The following ABCC4 variants were observed in gnomAD, a reference collection of about 807,000 sequenced individuals.
ABCC4 encodes the protein ATP-binding cassette sub-family C member 4.
ABCC4 carries 102 observed loss-of-function variants against 168.5 expected under a neutral mutation model. The ratio of observed to expected loss-of-function variants is 0.61; its 90% confidence interval spans 0.52 to 0.71. The LOEUF (loss-of-function observed/expected upper bound fraction) is 0.71, where lower values mean the gene tolerates loss of function less well. ABCC4 is among the 30% of genes least tolerant of loss of function. ABCC4 has a pLI of 0.00. For synonymous variants in ABCC4, 617 were observed against 590.7 expected (o/e 1.04, Z -0.65); for missense variants, 1,402 against 1,605.8 (o/e 0.87, Z 2.17).
chr13:95,105,961 TA>T (rs1001565027), intron 20 of ABCC4, among the ~76,000 whole-genome samples: 1 of 152,168 alleles, frequency 6.6e-6, no homozygotes, highest in African/African-American at 2.4e-5. Context: ...GTGCACAGGG[TA>T]AGCCGGTTAC....
intron 11 of ABCC4, among the ~76,000 whole-genome samples, chr13:95,180,015 G>A (rs536507739): frequency 3.3e-5 from 5 of 152,146 alleles, no homozygotes; most frequent in Admixed American, 2.0e-4. Context: ...ACCAACAGCA[G>A]GACCCCATTC....
At chr13:95,141,862 A>T (rs925224497) in intron 19 of ABCC4, among the ~76,000 whole-genome samples, 11 of 152,206 alleles carry the variant, frequency 7.2e-5, no homozygotes, top group Admixed American at 7.2e-4. Flanking sequence ...CAGTCTCCTG[A>T]GTGGCTGGGA....
chr13:95,257,503 T>C (rs2040422081), intron 1 of ABCC4, among the ~76,000 whole-genome samples: 1 of 151,992 alleles, frequency 6.6e-6, no homozygotes, highest in African/African-American at 2.4e-5. Flanking sequence ...ACCCTGTCTC[T>C]ATAAAAATAC....
chr13:95,029,040 C>T (rs1325510340), intron 30 of ABCC4, among the ~76,000 whole-genome samples: 4 of 151,336 alleles, frequency 2.6e-5, no homozygotes, highest in Non-Finnish European at 4.4e-5. Flanking sequence ...TGGTGGTGGG[C>T]GCCTGTAATC....
At chr13:95,047,951 C>T (rs1463333517) in intron 27 of ABCC4, among the ~76,000 whole-genome samples, 1 of 152,128 alleles carries the variant, frequency 6.6e-6, no homozygotes, top group Admixed American at 6.5e-5. Context: ...CTCTTGATGA[C>T]TGCTATAGCT....
At chr13:95,118,421 T>C (rs986169614) in intron 19 of ABCC4, among the ~76,000 whole-genome samples, 25 of 152,092 alleles carry the variant, frequency 1.6e-4, no homozygotes, top group Non-Finnish European at 2.9e-4. Context: ...TTTCTGTATT[T>C]TTAGTAGAGA....
At chr13:95,253,611 G>A (rs1175139394) in intron 1 of ABCC4, among the ~76,000 whole-genome samples, 3 of 152,058 alleles carry the variant, frequency 2.0e-5, no homozygotes, top group Non-Finnish European at 4.4e-5. Context: ...CGGGCGTGGT[G>A]GAGGACACCC....
At chr13:95,234,007 G>A (rs752306164) in intron 4 of ABCC4, among the ~76,000 whole-genome samples, 9 of 152,118 alleles carry the variant, frequency 5.9e-5, no homozygotes, top group Admixed American at 1.3e-4. Flanking sequence ...GCCTGTATCC[G>A]ACGTGGATTC....
At chr13:95,241,709 T>G (rs1270396682) in intron 3 of ABCC4, among the ~76,000 whole-genome samples, 1 of 151,384 alleles carries the variant, frequency 6.6e-6, no homozygotes, top group Non-Finnish European at 1.5e-5. Context: ...TCTCTGGGCA[T>G]TATAATCATT....
chr13:95,201,322 T>C (rs1001909520), intron 8 of ABCC4, among the ~76,000 whole-genome samples: 1 of 152,174 alleles, frequency 6.6e-6, no homozygotes, highest in East Asian at 1.9e-4. Flanking sequence ...TAGCTGCATA[T>C]TGGACCACAA....
chr13:95,063,337 A>G (rs930596974), intron 25 of ABCC4, among the ~76,000 whole-genome samples: 4 of 152,228 alleles, frequency 2.6e-5, no homozygotes, highest in African/African-American at 7.2e-5. Flanking sequence ...TTTCACAGGG[A>G]TATTAATTCA....
intron 26 of ABCC4, chr13:95,055,910 A>AC (rs71207572): frequency 5.3e-5 from 8 of 151,396 alleles, no homozygotes; most frequent in Non-Finnish European, 1.0e-4. Context: ...CAAAAAAAAA[A>AC]CCCACCACGT....
intron 30 of ABCC4, among the ~76,000 whole-genome samples, chr13:95,029,514 G>T (rs929368198): frequency 2.0e-5 from 3 of 151,970 alleles, no homozygotes; most frequent in African/African-American, 7.2e-5. Context: ...GGCAGGTGTG[G>T]CAGAGTGACT....
intron 4 of ABCC4, among the ~76,000 whole-genome samples, chr13:95,213,627 C>A (rs1252192299): frequency 5.0e-5 from 2 of 40,040 alleles, no homozygotes; most frequent in Non-Finnish European, 1.2e-4. Context: ...GAAATCTCCA[C>A]TGGGCCTCAG....
chr13:95,080,481 T>G (rs2034058332), intron 21 of ABCC4, among the ~76,000 whole-genome samples: 1 of 152,144 alleles, frequency 6.6e-6, no homozygotes. Context: ...CACCTCAACC[T>G]CTGCCTCCTG....
intron 19 of ABCC4, among the ~76,000 whole-genome samples, chr13:95,151,851 AC>A (rs1159935162): frequency 7.9e-5 from 12 of 152,344 alleles, no homozygotes; most frequent in African/African-American, 2.9e-4. Context: ...CGACTTAGTT[AC>A]CACAAACTAT....
rs1000938230 is a variant in ABCC4, at chr13:95,147,825, C to T, written c.2455+13364G>A. Among the ~76,000 whole-genome samples, 12 of 152,246 alleles carry T rather than the reference C, an allele frequency of 7.9e-5. No homozygotes were observed. The East Asian group carries it at 2.3e-3, about 29-fold the overall frequency. ...CTTCTGTACTCAACTTCAGCTGTAT[C>T]GTTTTCAAACAAAAAGTAAACCAGA... On this transcript the variant is annotated intron_variant, in intron 19 of 30. Coordinates refer to ENST00000645237, the MANE Select transcript of ABCC4 (RefSeq NM_005845.5).
At chr13:95,074,120 T>C (rs778133600) in intron 23 of ABCC4, 94 bp downstream of exon 23, 8 of 927,748 alleles carry the variant, frequency 8.6e-6, no homozygotes, top group African/African-American at 3.3e-5. Context: ...CCAAACAGTA[T>C]GTAGTAGTAG....
At chr13:95,029,356 T>C (rs1205257516) in intron 30 of ABCC4, among the ~76,000 whole-genome samples, 1 of 149,006 alleles carries the variant, frequency 6.7e-6, no homozygotes, top group Non-Finnish European at 1.5e-5. Context: ...TAATATTAAG[T>C]GAAAAACCGT....
Sources: allele counts gnomAD v4.1 joint callset (sites outside exome capture counted in the v4.1 genomes callset), GRCh38; gene constraint gnomAD v4.1.1; transcripts MANE v1.5; gene names NCBI Gene and HGNC (gene_info 2026-07-23, HGNC 2026-07-21).